Variants in CSMD1 observed in about 807,000 individuals in gnomAD.
CSMD1 encodes CUB and Sushi multiple domains 1, also known as CUB and sushi domain-containing protein 1.
CSMD1 carries 213 observed loss-of-function variants against 417.5 expected under a neutral mutation model. The observed-to-expected ratio is 0.51, with a 90% confidence interval of 0.46 to 0.57. The LOEUF is 0.57. Among genes scored for constraint, CSMD1 ranks in the 20% least tolerant of loss-of-function variants. The pLI, the probability that CSMD1 is intolerant of heterozygous loss-of-function variation, is 0.00. For missense variants in CSMD1, 6,923 were observed against 4,529.7 expected, an observed-to-expected ratio of 1.53 and a Z score of -15.17; for synonymous variants, 2,862 against 1,736.8, an observed-to-expected ratio of 1.65 and a Z score of -16.11.
At position 4,031,768 on chromosome 8, in the gene CSMD1, G is replaced by A. The variant is rs905106873; in HGVS notation, c.610+137C>T. The A allele has an allele frequency of 1.7e-5, 10 of 576,754 alleles. No homozygotes were observed. In the African/African-American group the frequency reaches 1.9e-4, roughly 11 times the overall value. The allele number at this position is 576,754 out of a possible 1,614,324, so 35.7% of individuals were successfully genotyped here. On this transcript the variant is annotated intron_variant, in intron 4 of 69. Coordinates refer to ENST00000635120, the MANE Select transcript of CSMD1 (RefSeq NM_033225.6). ...GTAATAACATGTAATATTGCTTTCA[G>A]GAGCAGAATGAGCTGACATTGTAAG...
chr8:4,708,392 A>C (rs937995448), intron 1 of CSMD1, among the ~76,000 whole-genome samples: 8 of 152,200 alleles, frequency 5.3e-5, no homozygotes, highest in African/African-American at 1.9e-4. Flanking sequence ...TCAGTGCCTA[A>C]AACTGAATAT....
At chr8:4,397,311 A>G (rs968610636) in intron 3 of CSMD1, among the ~76,000 whole-genome samples, 57 of 152,206 alleles carry the variant, frequency 3.7e-4, no homozygotes, top group African/African-American at 1.4e-3. Context: ...CTAATTTTAA[A>G]TGTATAAGCA....
intron 3 of CSMD1, among the ~76,000 whole-genome samples, chr8:4,290,453 C>T (rs908286787): frequency 7.9e-5 from 12 of 151,982 alleles, no homozygotes; most frequent in African/African-American, 2.7e-4. Flanking sequence ...GTTCTATGGG[C>T]AATTTTAAAC....
chr8:3,081,065 C>T (rs1026827067), intron 49 of CSMD1, among the ~76,000 whole-genome samples: 2 of 152,016 alleles, frequency 1.3e-5, no homozygotes, highest in Non-Finnish European at 2.9e-5. Flanking sequence ...AAATGTTTAC[C>T]AAATGGCTAC....
intron 33 of CSMD1, among the ~76,000 whole-genome samples, chr8:3,193,561 G>A (rs568512151): frequency 2.6e-5 from 4 of 152,170 alleles, no homozygotes; most frequent in Admixed American, 1.3e-4. Flanking sequence ...GACGGCATCC[G>A]AGAGAAAAAT....
intron 5 of CSMD1, among the ~76,000 whole-genome samples, chr8:3,862,241 C>A (rs1261547717): frequency 1.3e-5 from 2 of 152,194 alleles, no homozygotes; most frequent in Non-Finnish European, 2.9e-5. Flanking sequence ...CTACCTCATA[C>A]ACAGCTTCCA....
chr8:3,104,033 G>T (rs1815950704), intron 46 of CSMD1, among the ~76,000 whole-genome samples: 1 of 152,128 alleles, frequency 6.6e-6, no homozygotes, highest in African/African-American at 2.4e-5. Flanking sequence ...ATGAGCCACT[G>T]TCCCTGACCA....
chr8:3,985,067 A>T (rs950708255), intron 5 of CSMD1, among the ~76,000 whole-genome samples: 2 of 152,068 alleles, frequency 1.3e-5, no homozygotes, highest in East Asian at 1.9e-4. Context: ...TAGCTTTCAA[A>T]AACACTGTGG....
At chr8:4,140,528 T>C (rs1169800702) in intron 3 of CSMD1, among the ~76,000 whole-genome samples, 1 of 150,434 alleles carries the variant, frequency 6.6e-6, no homozygotes, top group East Asian at 1.9e-4. Context: ...ATTAGCTGAG[T>C]GTGGTGGTGT....
intron 20 of CSMD1, among the ~76,000 whole-genome samples, chr8:3,364,670 AC>A (rs1359054551): frequency 6.6e-6 from 1 of 152,066 alleles, no homozygotes; most frequent in Non-Finnish European, 1.5e-5. Flanking sequence ...CTTCTCTTTT[AC>A]CCCATGGGGA....
intron 25 of CSMD1, among the ~76,000 whole-genome samples, chr8:3,296,761 A>AAACTGGAAAAGTGGAGTTGTCATCCAGTG (rs1804000167): frequency 6.6e-6 from 1 of 152,154 alleles, no homozygotes; most frequent in Non-Finnish European, 1.5e-5. Flanking sequence ...TGTCCCTCAG[A>AAACTGGAAAAGTGGAGTTGTCATCCAGTG]AACTGGAAAA....
chr8:4,553,162 G>A (rs973784551), intron 2 of CSMD1, among the ~76,000 whole-genome samples: 47 of 152,298 alleles, frequency 3.1e-4, no homozygotes, highest in African/African-American at 1.1e-3. Context: ...TGCTTTGTAC[G>A]TTTTCAGTTG....
chr8:3,237,641 T>TATAAAG (rs200476526), intron 26 of CSMD1, among the ~76,000 whole-genome samples: 4,012 of 110,386 alleles, frequency 0.036, 435 homozygotes, highest in East Asian at 0.13. Context: ...ATACTTATAC[T>TATAAAG]ATAATTTTTT....
At chr8:3,830,118 G>A (rs1802289276) in intron 5 of CSMD1, among the ~76,000 whole-genome samples, 1 of 152,154 alleles carries the variant, frequency 6.6e-6, no homozygotes, top group Admixed American at 6.6e-5. Flanking sequence ...AAGTGAAGGA[G>A]AGTAATTTCT....
At chr8:4,676,258 G>C (rs537570859) in intron 1 of CSMD1, among the ~76,000 whole-genome samples, 3 of 152,052 alleles carry the variant, frequency 2.0e-5, no homozygotes, top group Admixed American at 2.0e-4. Flanking sequence ...CTTTGCTTAT[G>C]ACACCCTCCC....
At chr8:3,790,248 T>A (rs1336296605) in intron 5 of CSMD1, among the ~76,000 whole-genome samples, 1 of 152,208 alleles carries the variant, frequency 6.6e-6, no homozygotes, top group Non-Finnish European at 1.5e-5. Flanking sequence ...AAGAGTGCAT[T>A]ATCAATCAAA....
intron 3 of CSMD1, among the ~76,000 whole-genome samples, chr8:4,295,562 T>C (rs955541267): frequency 1.4e-5 from 2 of 144,990 alleles, no homozygotes; most frequent in Admixed American, 7.0e-5. Flanking sequence ...TAAGATTATA[T>C]GTCATCTTTT....
rs1268860888 is a variant in CSMD1, at chr8:3,552,094, C to A, written c.1344+22851G>T. On this transcript the variant is annotated intron_variant, in intron 10 of 69. Coordinates refer to ENST00000635120, the MANE Select transcript of CSMD1 (RefSeq NM_033225.6). ...AAAACAAATGGTAAAATTCTTTGAA[C>A]AATGAGAGGAAAAAATCTCCTTTAC... 4.6e-5 allele frequency among the ~76,000 whole-genome samples: 7 copies of A among 152,282 alleles called. No homozygotes were observed. In the East Asian group the frequency reaches 9.7e-4, roughly 21 times the overall value.
intron 1 of CSMD1, among the ~76,000 whole-genome samples, chr8:4,989,478 A>G (rs141118303): frequency 2.6e-5 from 4 of 152,298 alleles, no homozygotes; most frequent in East Asian, 1.9e-4. Flanking sequence ...TTACACAAGT[A>G]TCTTCCTCTG....
Sources: gnomAD v4.1 joint callset for allele counts (sites outside exome capture counted in the v4.1 genomes callset) on GRCh38, gnomAD v4.1.1 for gene constraint, MANE v1.5 for transcripts, NCBI Gene and HGNC (gene_info 2026-07-23, HGNC 2026-07-21) for gene names.